RIF1: variants seen among roughly 807,000 people sequenced by gnomAD.
RIF1 encodes replication timing regulatory factor 1.
A neutral mutation model predicts 247.1 loss-of-function variants in RIF1; 45 were observed. The observed-to-expected ratio is 0.18, with a 90% CI of 0.14 to 0.23. The LOEUF (loss-of-function observed/expected upper bound fraction) is 0.23, where lower values mean the gene tolerates loss of function less well. Ranked by LOEUF, RIF1 falls within the 10% of genes least tolerant of loss-of-function variation. RIF1 has a pLI of 1.00. For synonymous variants in RIF1, 1,087 were observed against 978.8 expected (o/e 1.11, Z -2.06); for missense variants, 2,967 against 2,862.5 (o/e 1.04, Z -0.83).
rs377336846 is a variant in RIF1, at chr2:151,492,146, C to T, written c.*416-3083C>T. On this transcript the variant is annotated intron_variant and NMD_transcript_variant, in intron 9 of 13. Transcript: ENST00000454583. ...TCATTCCGTTTTTGTTCCATTTCTACCACTTTCCTCTGAATACCTCGGTAG... is the reference window on the plus strand; with the variant it reads ...TCATTCCGTTTTTGTTCCATTTCTATCACTTTCCTCTGAATACCTCGGTAG... The T allele has an allele frequency of 8.7e-6, 14 of 1,613,804 alleles. No homozygotes were observed. The African/African-American group carries it at 9.3e-5, about 11-fold the overall frequency.
the RIF1 span, chr2:151,518,875 TAGC>T: frequency 1.3e-6 from 1 of 789,628 alleles, no homozygotes; most frequent in East Asian, 2.6e-5. Flanking sequence ...AGGGTATCAG[TAGC>T]AGAGAAGAAG....
chr2:151,527,877 A>G, the RIF1 span, among the ~76,000 whole-genome samples: 2 of 152,198 alleles, frequency 1.3e-5, no homozygotes, highest in Non-Finnish European at 2.9e-5. Flanking sequence ...CATCTTCAGA[A>G]TCGAGTACTT....
At chr2:151,428,954 G>T in intron 9 of RIF1, 32 bp downstream of exon 9, 1 of 1,356,570 alleles carries the variant, frequency 7.4e-7, no homozygotes, top group Non-Finnish European at 1.0e-6. Context: ...TTGATTTTCT[G>T]TGAATTTGTT....
At chr2:151,461,051 G>C in intron 26 of RIF1, 87 bp from the exon 27 acceptor site, 1 of 1,179,560 alleles carries the variant, frequency 8.5e-7, no homozygotes, top group Non-Finnish European at 1.2e-6. Context: ...TTGAAAAATG[G>C]TGTCATTATT....
chr2:151,508,272 CTCAG>C (rs1312008890), downstream of RIF1, among the ~76,000 whole-genome samples: 6 of 152,234 alleles, frequency 3.9e-5, no homozygotes, highest in Admixed American at 3.9e-4. Flanking sequence ...GAAGAACCCT[CTCAG>C]TCAAAGAAAG....
intron 9 of RIF1, chr2:151,491,950 T>G (rs2056947360): frequency 1.9e-6 from 2 of 1,035,802 alleles, no homozygotes; most frequent in Admixed American, 2.4e-5. Flanking sequence ...ATCAGCTTTG[T>G]AAACTATGAG....
At chr2:151,411,459 C>T (rs528691419) in intron 3 of RIF1, 121 bp downstream of exon 3, 2 of 605,390 alleles carry the variant, frequency 3.3e-6, no homozygotes, top group African/African-American at 3.8e-5. Context: ...TGCAATGGCT[C>T]AGGCTCGGGC....
At chr2:151,502,988 T>TAGTA (rs1251445507) in intron 11 of RIF1, 2 of 673,420 alleles carry the variant, frequency 3.0e-6, no homozygotes, top group Non-Finnish European at 5.1e-6. Context: ...GGCAGTTTTT[T>TAGTA]AGTAAGTAAT....
Position 151,462,897 on chromosome 2 carries a change from A to G in RIF1, c.3377A>G (p.Asp1126Gly). The change falls in exon 30 of 36, where the codon GAC becomes GGC. Residue 1126 changes from aspartate (D) to glycine (G), a missense_variant. By Grantham distance (94) the Asp-to-Gly change is moderately conservative. Coordinates refer to ENST00000444746, the MANE Select transcript of RIF1 (RefSeq NM_018151.5). ...ATTTCTGTGCAGGAGGAGCAAATGGACAGTGACATTGTCATTCCTCAAGAT... is the reference window on the plus strand; with the variant it reads ...ATTTCTGTGCAGGAGGAGCAAATGGGCAGTGACATTGTCATTCCTCAAGAT... Reference protein sequence around the residue: ...SKMMITEEQMDSDIVIPQDVT... With the variant: ...SKMMITEEQMGSDIVIPQDVT... The G allele has an allele frequency of 1.2e-6, 2 of 1,600,966 alleles. No individual in the cohort carries two copies. Among genetic ancestry groups the G allele is most frequent in the East Asian group, 2.2e-5 (1 of 44,792 alleles).
intron 9 of RIF1, among the ~76,000 whole-genome samples, 195 bp from the exon 10 acceptor site, chr2:151,432,882 T>G (rs1242512268): frequency 5.9e-5 from 9 of 152,324 alleles, no homozygotes; most frequent in Admixed American, 4.6e-4. Context: ...ATTTATTGAG[T>G]GTTTTTGGTT....
chr2:151,504,255 G>A (rs1389273605), intron 12 of RIF1, among the ~76,000 whole-genome samples: 1 of 152,134 alleles, frequency 6.6e-6, no homozygotes. Flanking sequence ...GACAAGCTAG[G>A]CGTGATAGCT....
chr2:151,508,340 T>G (rs2070996704), downstream of RIF1, among the ~76,000 whole-genome samples: 1 of 152,196 alleles, frequency 6.6e-6, no homozygotes, highest in South Asian at 2.1e-4. Flanking sequence ...CAGTAGGACC[T>G]ATTGTCATGG....
At chr2:151,503,263 A>G (rs1335282436) in intron 12 of RIF1, 1 of 977,784 alleles carries the variant, frequency 1.0e-6, no homozygotes, top group East Asian at 2.4e-5. Flanking sequence ...AATTGCTGTT[A>G]AGATGTTACT....
At position 151,475,108 on chromosome 2, in the gene RIF1, A is replaced by AGTT; in HGVS notation, c.*37_*38insGTT. The AGTT allele has an allele frequency of 7.2e-7, 1 of 1,384,312 alleles. No individual in the cohort carries two copies. The highest frequency in any genetic ancestry group is 1.0e-6 in the Non-Finnish European group (1 of 975,198). The allele number at this position is 1,384,312 out of a possible 1,614,324, so 85.8% of individuals were successfully genotyped here. On this transcript the variant is annotated 3_prime_UTR_variant, in exon 36 of 36. Coordinates refer to ENST00000444746, the MANE Select transcript of RIF1 (RefSeq NM_018151.5). ...AAAATTGAAGGTTTTTTTAAACATCACTGGATTTCTTGATTGAGGAAACAA... is the reference window on the plus strand; with the variant it reads ...AAAATTGAAGGTTTTTTTAAACATCAGTTCTGGATTTCTTGATTGAGGAAACAA...
chr2:151,445,726 T>C (rs1006167347), intron 19 of RIF1, among the ~76,000 whole-genome samples: 1 of 152,046 alleles, frequency 6.6e-6, no homozygotes, highest in African/African-American at 2.4e-5. Flanking sequence ...TTTTGTATTT[T>C]TAGTAGAAAT....
intron 9 of RIF1, chr2:151,493,818 G>T: frequency 6.3e-7 from 1 of 1,588,342 alleles, no homozygotes; most frequent in South Asian, 1.2e-5. Context: ...TTCCATCTCA[G>T]GAGTAAAGGG....
chr2:151,459,533 C>T (rs1189213663), intron 25 of RIF1, among the ~76,000 whole-genome samples: 3 of 152,168 alleles, frequency 2.0e-5, no homozygotes, highest in African/African-American at 7.2e-5. Context: ...AAATTTTCCA[C>T]TAGATAACTA....
chr2:151,452,721 A>G (rs1026046684), intron 21 of RIF1, among the ~76,000 whole-genome samples: 41 of 152,354 alleles, frequency 2.7e-4, no homozygotes, highest in Middle Eastern at 3.4e-3. Flanking sequence ...TCTGAAAATC[A>G]TAAGTTTACC....
chr2:151,441,912 TG>T lies in RIF1; in HGVS notation c.1657del (p.Glu553LysfsTer12). 6.6e-7 allele frequency: 1 copy of T among 1,526,586 alleles called. No individual in the cohort carries two copies. Among genetic ancestry groups the T allele is most frequent in the Non-Finnish European group, 9.0e-7 (1 of 1,114,640 alleles). The allele number at this position is 1,526,586 out of a possible 1,614,324, so 94.6% of individuals were successfully genotyped here. A position where few individuals can be genotyped will look rare whatever the true frequency, so the allele number is the denominator to read the frequency against. On this transcript the variant is annotated frameshift_variant, in exon 16 of 36. Coordinates refer to ENST00000444746, the MANE Select transcript of RIF1 (RefSeq NM_018151.5). LOFTEE classifies it high-confidence loss of function. ...VFPVSKTLVLMEITIKGLPQK... is the reference protein window; with the variant it reads ...VFPVSKTLVLXEITIKGLPQK... The stretch of plus-strand genomic sequence containing the variant: ...ACCTTTTATCTCTCATAGGTCCTCA[TG>T]GAAATTACAATTAAAGGACTTCCTC...
Sources: gnomAD v4.1 joint callset for allele counts (sites outside exome capture counted in the v4.1 genomes callset) on GRCh38, gnomAD v4.1.1 for gene constraint, MANE v1.5 for transcripts, NCBI Gene and HGNC (gene_info 2026-07-23, HGNC 2026-07-21) for gene names.